Variants in RAP1GAP2 observed in about 807,000 individuals in gnomAD.
RAP1GAP2 encodes rap1 GTPase-activating protein 2.
RAP1GAP2 carries 27 observed loss-of-function variants against 95.0 expected under a neutral mutation model. The ratio of observed to expected loss-of-function variants is 0.28; its 90% CI spans 0.21 to 0.39. The LOEUF (loss-of-function observed/expected upper bound fraction) is 0.39. Ranked by LOEUF, RAP1GAP2 falls within the 10% of genes least tolerant of loss-of-function variation. The pLI is 1.00. For synonymous variants in RAP1GAP2, 373 were observed against 380.9 expected (o/e 0.98, Z 0.24); for missense variants, 771 against 970.0 (o/e 0.79, Z 2.72).
chr17:3,000,364 G>A (rs2008515), intron 14 of RAP1GAP2, among the ~76,000 whole-genome samples: 5,691 of 152,294 alleles, frequency 0.037, 191 homozygotes, highest in Admixed American at 0.1. Context: ...CCTACTGTGC[G>A]CCAAGCTCCA....
chr17:2,793,032 T>C (rs2068967780), upstream of RAP1GAP2, among the ~76,000 whole-genome samples: 2 of 152,282 alleles, frequency 1.3e-5, no homozygotes, highest in African/African-American at 2.4e-5. Context: ...CGTGCCCAAG[T>C]GTGATGTGAC....
At position 2,757,128 on chromosome 17, in the gene RAP1GAP2, C is replaced by CT. The variant is rs557123169; in HGVS notation, c.50+1369dup. On this transcript the variant is annotated intron_variant, in intron 1 of 25. Coordinates refer to the RAP1GAP2 transcript ENST00000637138. ...TAGAATTAATCTCCTTTATTTAATT[C>CT]TTTTTTTTGAGATAGGGTCTCACTC... Among the ~76,000 whole-genome samples, 232 of 151,674 alleles carry CT rather than the reference C, an allele frequency of 1.5e-3. 1 individual carries two copies. Among genetic ancestry groups the CT allele is most frequent in the African/African-American group, 5.2e-3 (217 of 41,366 alleles).
chr17:2,995,110 C>T (rs749822860), intron 12 of RAP1GAP2, among the ~76,000 whole-genome samples: 1 of 151,864 alleles, frequency 6.6e-6, no homozygotes, highest in Admixed American at 6.6e-5. Context: ...CCACTGCGCC[C>T]GGCCAGCTTT....
rs558915221 is a variant in RAP1GAP2, at chr17:3,011,850, G to A, written c.1494+3705G>A. ...GCTGATCTTGAACTCCTGACATCAG[G>A]TGATCCGCCCATCTTGGCCTCCCAA... On this transcript the variant is annotated intron_variant, in intron 17 of 24. Transcript: ENST00000254695. Among the ~76,000 whole-genome samples the A allele has an allele frequency of 5.9e-5, 9 of 152,100 alleles. No homozygotes were observed. In the East Asian group the frequency reaches 1.8e-3, roughly 30 times the overall value.
intron 8 of RAP1GAP2, among the ~76,000 whole-genome samples, chr17:2,973,535 A>G (rs1282176960): frequency 6.6e-6 from 1 of 152,218 alleles, no homozygotes; most frequent in African/African-American, 2.4e-5. Context: ...AAAGGAAAAC[A>G]GTAAAATTGT....
rs1478672423 is a variant in RAP1GAP2, at chr17:2,957,698, C to T, written c.166-61C>T. 4 of 1,541,688 alleles carry T rather than the reference C, an allele frequency of 2.6e-6. No individual in the cohort carries two copies. The African/African-American group carries it at 5.5e-5, about 21-fold the overall frequency. On this transcript the variant is annotated intron_variant, in intron 3 of 24. Coordinates refer to ENST00000254695, the MANE Select transcript of RAP1GAP2 (RefSeq NM_015085.5). ...TTCCTGATAGTTGGTGAGGAAGAGG[C>T]TTTTGCTGTGGACCTCCCGGCTGAT...
chr17:2,787,242 T>C (rs1018830498), intron 1 of RAP1GAP2, among the ~76,000 whole-genome samples: 1 of 150,298 alleles, frequency 6.7e-6, no homozygotes, highest in Non-Finnish European at 1.5e-5. Flanking sequence ...TGAGCCACCA[T>C]GCCCAGCTTT....
intron 2 of RAP1GAP2, among the ~76,000 whole-genome samples, chr17:2,810,678 G>A (rs1356160451): frequency 6.6e-6 from 1 of 151,914 alleles, no homozygotes; most frequent in Admixed American, 6.6e-5. Flanking sequence ...TTACAGGCAT[G>A]CGCCACCACA....
intron 3 of RAP1GAP2, among the ~76,000 whole-genome samples, chr17:2,947,786 G>A (rs879647843): frequency 5.9e-5 from 9 of 152,064 alleles, no homozygotes; most frequent in Admixed American, 2.6e-4. Flanking sequence ...CTCCCAGGGC[G>A]TGCCCTGTTT....
chr17:2,962,785 G>A (rs2044394995), intron 5 of RAP1GAP2, 71 bp downstream of exon 5: 1 of 1,401,256 alleles, frequency 7.1e-7, no homozygotes, highest in Non-Finnish European at 9.6e-7. Context: ...AGGCAGGAGG[G>A]GCTGCCGGGA....
At chr17:2,767,942 C>T (rs992699559) in intron 1 of RAP1GAP2, among the ~76,000 whole-genome samples, 4 of 152,096 alleles carry the variant, frequency 2.6e-5, no homozygotes, top group African/African-American at 9.7e-5. Flanking sequence ...CCGTATTAGC[C>T]AGGATGGTTT....
At chr17:3,006,526 C>G (rs566642071) in intron 16 of RAP1GAP2, among the ~76,000 whole-genome samples, 1 of 151,436 alleles carries the variant, frequency 6.6e-6, no homozygotes, top group African/African-American at 2.4e-5. Context: ...CTCTGCCTCC[C>G]GGGTTCACAC....
intron 2 of RAP1GAP2, chr17:2,854,078 C>G (rs1011589308): frequency 2.3e-5 from 23 of 985,254 alleles, no homozygotes; most frequent in Admixed American, 6.2e-5. Flanking sequence ...CTGCACAAAT[C>G]CCGGAGGCAG....
At chr17:2,971,836 GAAAT>G (rs1177331595) in intron 8 of RAP1GAP2, among the ~76,000 whole-genome samples, 17 of 152,030 alleles carry the variant, frequency 1.1e-4, no homozygotes, top group African/African-American at 4.1e-4. Flanking sequence ...GATTAAAGCA[GAAAT>G]AAATAAACTA....
chr17:2,790,574 G>T (rs2068899369), intron 1 of RAP1GAP2, among the ~76,000 whole-genome samples: 1 of 151,816 alleles, frequency 6.6e-6, no homozygotes, highest in African/African-American at 2.4e-5. Context: ...AGCTCCAGGG[G>T]GTTAGTACTG....
rs374157000 is a variant in RAP1GAP2 at position 3,004,301 on chromosome 17, T to C, written c.1201-1068T>C. 2.6e-4 allele frequency among the ~76,000 whole-genome samples: 39 copies of C among 152,356 alleles called. 1 individual carries two copies. The highest frequency in any genetic ancestry group is 1.2e-3 in the South Asian group (6 of 4,832). ...GGAGCTTGAGAAGAGAAAGCCCGTA[T>C]TGACCAGCTCTCTCCCGCTCCGTTT... is the stretch of plus-strand genomic sequence containing the variant. On this transcript the variant is annotated intron_variant, in intron 14 of 24. Coordinates refer to ENST00000254695, the MANE Select transcript of RAP1GAP2 (RefSeq NM_015085.5). This position sits in a 1 kb window ranked among gnomAD's most constrained non-coding sequence, Gnocchi z 4.1.
rs1597891879 is a variant in RAP1GAP2, at chr17:3,020,505, A to G, written c.1661A>G (p.Asn554Ser). ...SPPVVAATVKNQSRSPIKRRS... is the reference protein window; with the variant it reads ...SPPVVAATVKSQSRSPIKRRS... ...CCAGTGGTGGCGGCAACGGTGAAGAACCAGTCACGGAGTCCCATCAAGCGA... is the reference window on the plus strand; with the variant it reads ...CCAGTGGTGGCGGCAACGGTGAAGAGCCAGTCACGGAGTCCCATCAAGCGA... Residue 554 changes from asparagine to serine, a missense_variant, in exon 19 of 25, where the codon AAC (asparagine) becomes AGC (serine). Coordinates refer to ENST00000254695, the MANE Select transcript of RAP1GAP2 (RefSeq NM_015085.5). The G allele has an allele frequency of 6.2e-7, 1 of 1,613,750 alleles. No individual in the cohort carries two copies. Among genetic ancestry groups the G allele is most frequent in the South Asian group, 1.1e-5 (1 of 91,066 alleles).
chr17:2,785,021 T>C (rs377334918), intron 1 of RAP1GAP2, among the ~76,000 whole-genome samples: 16 of 152,344 alleles, frequency 1.1e-4, no homozygotes, highest in African/African-American at 3.8e-4. Context: ...ACTGTTCATC[T>C]GCCTGCGGCA....
chr17:2,980,365 G>A lies in RAP1GAP2; in HGVS notation c.675G>A (p.Lys225=), dbSNP rs1828441434. The A allele has an allele frequency of 6.2e-7, 1 of 1,613,734 alleles. No individual in the cohort carries two copies. Among genetic ancestry groups the A allele is most frequent in the Non-Finnish European group, 8.5e-7 (1 of 1,179,812 alleles). The change falls in exon 9 of 25, where the codon AAG becomes AAA. Residue 225 remains lysine (K), a splice_region_variant and synonymous_variant. Transcript: ENST00000254695. Reference sequence around the variant, plus strand: ...TTCCCAGTGTCCCTCAGATTGCAAAGGTGAGAAACCAACCCGTGAGAGATG... The same window carrying A: ...TTCCCAGTGTCCCTCAGATTGCAAAAGTGAGAAACCAACCCGTGAGAGATG... ...SKLPSVPQIA[K]AFCDDAVGLR...
Sources: gnomAD v4.1 joint callset for allele counts (sites outside exome capture counted in the v4.1 genomes callset) on GRCh38, gnomAD v4.1.1 for gene constraint, Gnocchi (gnomAD v3.1) non-coding constraint, MANE v1.5 for transcripts, NCBI Gene and HGNC (gene_info 2026-07-23, HGNC 2026-07-21) for gene names.